The following MMP16 variants were observed in gnomAD, a reference collection of about 807,000 sequenced individuals.
MMP16 encodes the protein matrix metallopeptidase 16.
A neutral mutation model predicts 67.8 loss-of-function variants in MMP16; 12 were observed. That is an observed-to-expected ratio of 0.18 (90% CI 0.11 to 0.29). The LOEUF is 0.29. Among genes scored for constraint, MMP16 ranks in the 10% least tolerant of loss-of-function variants. The probability of loss-of-function intolerance (pLI) is 1.00; values close to 1 mark genes in which losing one functional copy is unlikely to be tolerated. For synonymous variants in MMP16, 249 were observed against 255.9 expected, an observed-to-expected ratio of 0.97 and a Z score of 0.26; for missense variants, 475 against 765.7, an observed-to-expected ratio of 0.62 and a Z score of 4.48.
intron 1 of MMP16, among the ~76,000 whole-genome samples, chr8:88,321,260 C>T (rs1451493781): frequency 6.6e-6 from 1 of 152,086 alleles, no homozygotes; most frequent in Non-Finnish European, 1.5e-5. Flanking sequence ...CACTTAATTT[C>T]ACTACAAAAT....
At chr8:88,303,092 G>A (rs956914266) in intron 1 of MMP16, among the ~76,000 whole-genome samples, 1 of 152,228 alleles carries the variant, frequency 6.6e-6, no homozygotes, top group Non-Finnish European at 1.5e-5. Context: ...CAGCAGAGCA[G>A]CTGCTCAGGC....
At chr8:88,321,570 C>T (rs1811460676) in intron 1 of MMP16, among the ~76,000 whole-genome samples, 1 of 152,142 alleles carries the variant, frequency 6.6e-6, no homozygotes, top group East Asian at 1.9e-4. Context: ...TCCTTTGGAA[C>T]TACAGATGAT....
chr8:88,215,793 T>G (rs1350104684), intron 1 of MMP16, among the ~76,000 whole-genome samples: 1 of 152,162 alleles, frequency 6.6e-6, no homozygotes, highest in Non-Finnish European at 1.5e-5. Context: ...ACTGAAATTT[T>G]TTTTGACTAG....
chr8:88,203,918 C>G (rs925014334), intron 1 of MMP16, among the ~76,000 whole-genome samples: 1 of 152,140 alleles, frequency 6.6e-6, no homozygotes, highest in Non-Finnish European at 1.5e-5. Flanking sequence ...ATCTTTTAAT[C>G]TGTACCATCA....
At chr8:88,073,685 C>T (rs1168009494) in intron 7 of MMP16, among the ~76,000 whole-genome samples, 1 of 152,144 alleles carries the variant, frequency 6.6e-6, no homozygotes, top group African/African-American at 2.4e-5. Context: ...TCCATGTTTT[C>T]ATTACCCTCA....
intron 1 of MMP16, among the ~76,000 whole-genome samples, chr8:88,210,622 T>C (rs1036499760): frequency 6.6e-6 from 1 of 152,152 alleles, no homozygotes; most frequent in African/African-American, 2.4e-5. Context: ...ATCACACATA[T>C]AGCAAAGATT....
intron 1 of MMP16, among the ~76,000 whole-genome samples, chr8:88,290,435 T>TA (rs1466762716): frequency 6.6e-6 from 1 of 151,844 alleles, no homozygotes. Flanking sequence ...CACCTGTACT[T>TA]ACAGCTATTC....
chr8:88,090,371 A>G (rs189904761), intron 6 of MMP16, among the ~76,000 whole-genome samples: 6 of 152,124 alleles, frequency 3.9e-5, no homozygotes, highest in Non-Finnish European at 7.4e-5. Flanking sequence ...TAAAGGAATG[A>G]ATCATTTTGC....
chr8:88,310,110 T>G (rs1207508279), intron 1 of MMP16, among the ~76,000 whole-genome samples: 1 of 152,084 alleles, frequency 6.6e-6, no homozygotes, highest in African/African-American at 2.4e-5. Flanking sequence ...TAACTACAAC[T>G]GAAGTCACTG....
intron 6 of MMP16, among the ~76,000 whole-genome samples, chr8:88,088,559 A>G (rs993458944): frequency 2.0e-5 from 3 of 152,062 alleles, no homozygotes; most frequent in Non-Finnish European, 4.4e-5. Context: ...AAGATTCCTA[A>G]GTGACTTTGT....
intron 6 of MMP16, among the ~76,000 whole-genome samples, chr8:88,113,966 T>C (rs1443818347): frequency 6.6e-6 from 1 of 151,996 alleles, no homozygotes; most frequent in African/African-American, 2.4e-5. Flanking sequence ...TTATTTCAGG[T>C]AACAAAGTAA....
At chr8:88,125,712 T>C (rs1047296377) in intron 4 of MMP16, among the ~76,000 whole-genome samples, 3 of 151,976 alleles carry the variant, frequency 2.0e-5, no homozygotes, top group South Asian at 2.1e-4. Context: ...AGATTGGATA[T>C]AGTTAATTGC....
chr8:88,124,784 T>C (rs989180860), intron 4 of MMP16, among the ~76,000 whole-genome samples: 5 of 152,092 alleles, frequency 3.3e-5, no homozygotes, highest in South Asian at 2.1e-4. Flanking sequence ...TTTCTCATAG[T>C]TCTGGAGGCC....
At chr8:88,078,138 T>C (rs549005046) in intron 6 of MMP16, among the ~76,000 whole-genome samples, 1 of 152,048 alleles carries the variant, frequency 6.6e-6, no homozygotes. Context: ...TCCCTCTCTT[T>C]CTTTGGTTTG....
chr8:88,074,824 A>C, intron 6 of MMP16, 81 bp from the exon 7 acceptor site: 1 of 1,485,836 alleles, frequency 6.7e-7, no homozygotes, highest in Non-Finnish European at 9.1e-7. Context: ...GACGCTTTTG[A>C]AATCAAGCTG....
chr8:88,231,339 T>C (rs1011346687), intron 1 of MMP16, among the ~76,000 whole-genome samples: 1 of 152,184 alleles, frequency 6.6e-6, no homozygotes, highest in Non-Finnish European at 1.5e-5. Context: ...AATAGATTTC[T>C]AGTGTGTGCT....
intron 2 of MMP16, among the ~76,000 whole-genome samples, chr8:88,195,661 T>C (rs1354770054): frequency 2.0e-5 from 3 of 152,192 alleles, no homozygotes; most frequent in African/African-American, 4.8e-5. Flanking sequence ...TCAGAGAGAA[T>C]TGCAGTGATT....
At chr8:88,194,779 T>C (rs1586199080) in intron 2 of MMP16, among the ~76,000 whole-genome samples, 1 of 151,990 alleles carries the variant, frequency 6.6e-6, no homozygotes, top group African/African-American at 2.4e-5. Flanking sequence ...AAGAGAAAGA[T>C]GCACTACCAA....
At chr8:88,139,766 C>G (rs1311841969) in intron 4 of MMP16, among the ~76,000 whole-genome samples, 1 of 152,036 alleles carries the variant, frequency 6.6e-6, no homozygotes, top group Non-Finnish European at 1.5e-5. Context: ...TACCTCTTCT[C>G]TATGCTTTTA....
Sources: gnomAD v4.1 joint callset for allele counts (sites outside exome capture counted in the v4.1 genomes callset) on GRCh38, gnomAD v4.1.1 for gene constraint, MANE v1.5 for transcripts, NCBI Gene and HGNC (gene_info 2026-07-23, HGNC 2026-07-21) for gene names.